ERBB4: variants seen among roughly 807,000 people sequenced by gnomAD.
ERBB4 encodes the protein erb-b2 receptor tyrosine kinase 4, also known as receptor tyrosine-protein kinase erbB-4.
A neutral mutation model predicts 158.0 loss-of-function variants in ERBB4; 42 were observed. That is an observed-to-expected ratio of 0.27 (90% CI 0.21 to 0.34). The LOEUF is 0.34. Ranked by LOEUF, ERBB4 falls within the 10% of genes least tolerant of loss-of-function variation. The probability of loss-of-function intolerance (pLI) is 1.00; values close to 1 mark genes in which losing one functional copy is unlikely to be tolerated. For synonymous variants in ERBB4, 583 were observed against 558.7 expected (o/e 1.04, Z -0.61); for missense variants, 1,333 against 1,624.1 (o/e 0.82, Z 3.08).
chr2:211,949,126 C>T (rs537102684), intron 2 of ERBB4, among the ~76,000 whole-genome samples: 1 of 152,274 alleles, frequency 6.6e-6, no homozygotes, highest in Non-Finnish European at 1.5e-5. Flanking sequence ...TCAACTACCT[C>T]TTACGTCATC....
intron 4 of ERBB4, among the ~76,000 whole-genome samples, chr2:211,762,244 C>T (rs576317440): frequency 1.5e-3 from 227 of 152,200 alleles, no homozygotes; most frequent in Non-Finnish European, 2.4e-3. Flanking sequence ...CAGTAAGGTA[C>T]CACAGGTCAA....
chr2:212,512,329 T>C (rs1691569790), intron 1 of ERBB4, among the ~76,000 whole-genome samples: 1 of 151,044 alleles, frequency 6.6e-6, no homozygotes, highest in Non-Finnish European at 1.5e-5. Context: ...ATTGAGTATA[T>C]ATATATATAC....
At chr2:212,492,692 A>G (rs548815897) in intron 1 of ERBB4, among the ~76,000 whole-genome samples, 3 of 151,496 alleles carry the variant, frequency 2.0e-5, no homozygotes, top group East Asian at 1.9e-4. Flanking sequence ...AGGTATGGAG[A>G]AAAAAACCCT....
At chr2:211,937,921 A>C (rs1270382441) in intron 3 of ERBB4, among the ~76,000 whole-genome samples, 1 of 152,092 alleles carries the variant, frequency 6.6e-6, no homozygotes, top group Middle Eastern at 3.2e-3. Context: ...TGAAAGTAAA[A>C]AATTTCATTT....
intron 20 of ERBB4, among the ~76,000 whole-genome samples, chr2:211,519,645 T>G (rs982472249): frequency 6.6e-6 from 1 of 151,462 alleles, no homozygotes; most frequent in Non-Finnish European, 1.5e-5. Flanking sequence ...GCAAAACAGT[T>G]GGACATGAAT....
Position 212,522,588 on chromosome 2 carries a change from G to T in ERBB4, c.82+15861C>A, listed in dbSNP as rs543970040. On this transcript the variant is annotated intron_variant, in intron 1 of 27. Coordinates refer to ENST00000342788, the MANE Select transcript of ERBB4 (RefSeq NM_005235.3). ...AGAGGTAAGACAGGGGAGGGCATCT[G>T]GACAGTAAGAAAAAGATGAAGAGGA... Among the ~76,000 whole-genome samples, 948 of 151,960 alleles carry T rather than the reference G, an allele frequency of 6.2e-3. 11 individuals carry two copies. The highest frequency in any genetic ancestry group is 0.022 in the African/African-American group (912 of 41,518).
chr2:212,482,517 A>T (rs942929211), intron 1 of ERBB4, among the ~76,000 whole-genome samples: 3 of 152,262 alleles, frequency 2.0e-5, no homozygotes, highest in Admixed American at 6.5e-5. Context: ...CAAAAGGTTT[A>T]GTAACACTTT....
chr2:211,712,690 G>A (rs1575032319), intron 8 of ERBB4, among the ~76,000 whole-genome samples: 1 of 152,058 alleles, frequency 6.6e-6, no homozygotes, highest in Non-Finnish European at 1.5e-5. Flanking sequence ...CCAAAATCAA[G>A]GGCCATTCAA....
intron 12 of ERBB4, among the ~76,000 whole-genome samples, chr2:211,692,650 C>T (rs142000023): frequency 6.6e-6 from 1 of 152,222 alleles, no homozygotes; most frequent in East Asian, 1.9e-4. Flanking sequence ...GGTCCCATCA[C>T]CTTTTCCTTT....
At chr2:211,737,986 T>C (rs183206206) in intron 5 of ERBB4, among the ~76,000 whole-genome samples, 9 of 152,250 alleles carry the variant, frequency 5.9e-5, no homozygotes, top group African/African-American at 2.2e-4. Context: ...AATACTGCTG[T>C]AATATATACT....
intron 1 of ERBB4, among the ~76,000 whole-genome samples, chr2:212,375,278 T>G (rs1170390249): frequency 6.6e-6 from 1 of 152,134 alleles, no homozygotes; most frequent in Non-Finnish European, 1.5e-5. Flanking sequence ...AATATTTTAA[T>G]GGCAATAAAT....
chr2:212,110,544 T>C (rs951746827), intron 2 of ERBB4, among the ~76,000 whole-genome samples: 5 of 152,114 alleles, frequency 3.3e-5, no homozygotes, highest in Non-Finnish European at 7.3e-5. Context: ...TAGATGAGAG[T>C]TGAGAACAAA....
intron 2 of ERBB4, among the ~76,000 whole-genome samples, chr2:212,083,322 G>A (rs1162176259): frequency 6.6e-6 from 1 of 151,762 alleles, no homozygotes; most frequent in Non-Finnish European, 1.5e-5. Context: ...TCAGATGGTG[G>A]GAAAACCATT....
intron 20 of ERBB4, among the ~76,000 whole-genome samples, chr2:211,502,593 G>A (rs559707865): frequency 1.3e-5 from 2 of 152,238 alleles, no homozygotes; most frequent in Non-Finnish European, 2.9e-5. Flanking sequence ...TTGGAAAGTT[G>A]AAAGCCTACA....
intron 1 of ERBB4, among the ~76,000 whole-genome samples, chr2:212,534,741 A>G (rs181382581): frequency 1.1e-4 from 16 of 152,322 alleles, no homozygotes; most frequent in Admixed American, 9.8e-4. Context: ...AATGCATAAG[A>G]CAGATGATAA....
chr2:212,073,534 C>G (rs1296050559), intron 2 of ERBB4, among the ~76,000 whole-genome samples: 1 of 152,004 alleles, frequency 6.6e-6, no homozygotes, highest in East Asian at 1.9e-4. Flanking sequence ...AGTCACCCTG[C>G]AGGGAGTGAG....
At chr2:211,653,486 C>A (rs1380034215) in intron 16 of ERBB4, among the ~76,000 whole-genome samples, 80 of 148,566 alleles carry the variant, frequency 5.4e-4, no homozygotes, top group South Asian at 1.5e-3. Context: ...CGCCCCCCCC[C>A]ACGCCCGCCC....
intron 1 of ERBB4, among the ~76,000 whole-genome samples, chr2:212,391,733 G>T (rs1383032136): frequency 2.3e-5 from 3 of 132,534 alleles, no homozygotes; most frequent in South Asian, 4.5e-4. Flanking sequence ...TTATATATAT[G>T]ACATATATAT....
At chr2:211,970,277 A>G (rs946430146) in intron 2 of ERBB4, among the ~76,000 whole-genome samples, 3 of 152,128 alleles carry the variant, frequency 2.0e-5, no homozygotes, top group African/African-American at 4.8e-5. Context: ...GTTCTTTTGC[A>G]TTTACTGAGG....
Sources: gnomAD v4.1 joint callset for allele counts (sites outside exome capture counted in the v4.1 genomes callset) on GRCh38, gnomAD v4.1.1 for gene constraint, MANE v1.5 for transcripts, NCBI Gene and HGNC (gene_info 2026-07-23, HGNC 2026-07-21) for gene names.